KPNA7: variants seen among roughly 807,000 people sequenced by gnomAD.
The protein encoded by KPNA7 is karyopherin subunit alpha 7, also known as importin subunit alpha-8.
In KPNA7, 54 loss-of-function variants were observed where a neutral mutation model predicts 53.7. The ratio of observed to expected loss-of-function variants is 1.01; its 90% CI spans 0.81 to 1.26. The LOEUF (loss-of-function observed/expected upper bound fraction) is 1.26, where lower values mean the gene tolerates loss of function less well. Ranked by LOEUF, KPNA7 falls within the 50% of genes most tolerant of loss-of-function variation. The pLI, the probability that KPNA7 is intolerant of heterozygous loss-of-function variation, is 0.00. For missense variants in KPNA7, 640 were observed against 644.5 expected (o/e 0.99, Z 0.07); for synonymous variants, 276 against 259.3 (o/e 1.06, Z -0.62).
downstream of KPNA7, among the ~76,000 whole-genome samples, chr7:99,171,987 G>A (rs1290517592): frequency 2.0e-5 from 3 of 152,118 alleles, no homozygotes; most frequent in Non-Finnish European, 4.4e-5. Flanking sequence ...TTCAGCAGGA[G>A]GTTTACACAG....
At chr7:99,204,377 ATC>A (rs34956359) in intron 2 of KPNA7, among the ~76,000 whole-genome samples, 2 of 150,740 alleles carry the variant, frequency 1.3e-5, no homozygotes, top group Admixed American at 6.6e-5. Flanking sequence ...GCCTCTACAA[ATC>A]TCTCTCTCTC....
At chr7:99,176,308 AAAAAGAAAGAAAG>A (rs1460484661) in intron 10 of KPNA7, among the ~76,000 whole-genome samples, 13 of 96,008 alleles carry the variant, frequency 1.4e-4, no homozygotes, top group Admixed American at 8.2e-4. Flanking sequence ...AAAAAAAAAA[AAAAAGAAAGAAAG>A]AAAGAAAGAA....
At chr7:99,209,004 T>C (rs1467044879), upstream of KPNA7, among the ~76,000 whole-genome samples, 1 of 151,708 alleles carries the variant, frequency 6.6e-6, no homozygotes, top group African/African-American at 2.4e-5. Flanking sequence ...ATACAAAAAT[T>C]AGTCAGGCAT....
the KPNA7 span, among the ~76,000 whole-genome samples, chr7:99,166,915 G>A: frequency 2.6e-4 from 40 of 152,312 alleles, 1 homozygote; most frequent in East Asian, 5.0e-3. Flanking sequence ...ACCATGCCCA[G>A]TCTAGTTACT....
chr7:99,190,718 C>T (rs1298814890), intron 6 of KPNA7, among the ~76,000 whole-genome samples: 1 of 149,924 alleles, frequency 6.7e-6, no homozygotes, highest in Non-Finnish European at 1.5e-5. Context: ...TGCAGTGGTG[C>T]AATCACAGCT....
At chr7:99,188,174 CAAAAAAA>C (rs59219718) in intron 7 of KPNA7, 119 bp downstream of exon 7, 30 of 391,164 alleles carry the variant, frequency 7.7e-5, no homozygotes, top group African/African-American at 6.9e-4. Context: ...GACTCTGTCT[CAAAAAAA>C]AAAAAAAAAA....
intron 10 of KPNA7, among the ~76,000 whole-genome samples, chr7:99,177,632 A>AC (rs1262918212): frequency 2.7e-5 from 4 of 150,294 alleles, no homozygotes; most frequent in Non-Finnish European, 5.9e-5. Flanking sequence ...CCCCTGCCAT[A>AC]CCTCTCCCAA....
the KPNA7 span, among the ~76,000 whole-genome samples, chr7:99,165,386 G>C: frequency 7.2e-5 from 11 of 151,996 alleles, no homozygotes; most frequent in South Asian, 2.3e-3. Context: ...GGAGGAAAGA[G>C]GGTACAGAGT....
chr7:99,160,017 GTTTTTTTTT>G, the KPNA7 span, among the ~76,000 whole-genome samples: 5 of 67,660 alleles, frequency 7.4e-5, no homozygotes, highest in Admixed American at 3.9e-4. Flanking sequence ...TGTTGTTTTT[GTTTTTTTTT>G]TTTTTTTTTT....
intron 3 of KPNA7, among the ~76,000 whole-genome samples, chr7:99,201,762 G>A (rs1252751204): frequency 2.0e-5 from 3 of 151,898 alleles, no homozygotes; most frequent in East Asian, 1.9e-4. Flanking sequence ...GGGTTGAAGT[G>A]CAGTGGCACG....
the KPNA7 span, among the ~76,000 whole-genome samples, chr7:99,165,894 C>T: frequency 4.9e-4 from 75 of 152,236 alleles, 1 homozygote; most frequent in African/African-American, 1.5e-3. Flanking sequence ...TAATCCCCAA[C>T]GTTGGGGGTG....
the KPNA7 span, among the ~76,000 whole-genome samples, chr7:99,152,332 C>A: frequency 6.9e-6 from 1 of 145,788 alleles, no homozygotes; most frequent in Non-Finnish European, 1.5e-5. Context: ...ACTGCACTCC[C>A]GACAGAGCGA....
rs1790875365 is a variant in KPNA7, at chr7:99,207,494, A to C, written c.-23-5T>G. ...TGACTGGAAGTAGTAAGTTACCTGC[A>C]GGTTGGACAGCAACAAAGAAATTTT... On this transcript the variant is annotated splice_region_variant and splice_polypyrimidine_tract_variant and intron_variant, in intron 1 of 10. Coordinates refer to ENST00000327442, the MANE Select transcript of KPNA7 (RefSeq NM_001145715.3). The C allele has an allele frequency of 1.6e-5, 24 of 1,510,792 alleles. No individual in the cohort carries two copies. The highest frequency in any genetic ancestry group is 2.2e-5 in the Non-Finnish European group (24 of 1,110,120). The allele number at this position is 1,510,792 out of a possible 1,614,324, so 93.6% of individuals were successfully genotyped here.
chr7:99,177,976 C>T lies in KPNA7; in HGVS notation c.1408G>A (p.Glu470Lys), dbSNP rs1798979275. 4.5e-6 allele frequency: 7 copies of T among 1,552,038 alleles called. No homozygotes were observed. Among genetic ancestry groups the T allele is most frequent in the African/African-American group, 1.4e-5 (1 of 73,154 alleles). The change falls in exon 10 of 11, where the codon GAG (glutamate) becomes AAG (lysine). Residue 470 changes from glutamate (E) to lysine (K), a missense_variant. Transcript: ENST00000327442. ...IDRIEALQLH[E>K]NRQIGQSALN... is the part of the protein sequence containing the mutation. ...GCCGACTGGCCAATTTGACGGTTCT[C>T]ATGCAGCTGTAAAGCCTCAATTCTA... is the stretch of plus-strand genomic sequence containing the variant.
At chr7:99,206,185 G>A (rs190740841) in intron 2 of KPNA7, among the ~76,000 whole-genome samples, 3 of 151,950 alleles carry the variant, frequency 2.0e-5, no homozygotes, top group Non-Finnish European at 2.9e-5. Flanking sequence ...TTTTTCAGAC[G>A]AAGTCTCACA....
chr7:99,196,490 G>A (rs933900381), intron 3 of KPNA7, among the ~76,000 whole-genome samples: 3 of 152,120 alleles, frequency 2.0e-5, no homozygotes, highest in Non-Finnish European at 4.4e-5. Flanking sequence ...CCTCCACATA[G>A]GCAAAGAGAA....
chr7:99,181,231 TTC>T (rs1002273846), intron 9 of KPNA7, among the ~76,000 whole-genome samples: 5 of 149,456 alleles, frequency 3.3e-5, no homozygotes, highest in East Asian at 2.0e-4. Flanking sequence ...CCGTCTGTCT[TTC>T]TCTGTCTCTG....
chr7:99,170,848 C>T (rs1240621400), downstream of KPNA7, among the ~76,000 whole-genome samples: 1 of 152,100 alleles, frequency 6.6e-6, no homozygotes, highest in Non-Finnish European at 1.5e-5. Flanking sequence ...ACACTGAAAA[C>T]TAGAAGATAA....
the KPNA7 span, among the ~76,000 whole-genome samples, chr7:99,162,382 C>A: frequency 6.6e-6 from 1 of 152,104 alleles, no homozygotes; most frequent in Non-Finnish European, 1.5e-5. Context: ...AATTTCTGGG[C>A]AAATGCAAAA....
Sources: gnomAD v4.1 joint callset for allele counts (sites outside exome capture counted in the v4.1 genomes callset) on GRCh38, gnomAD v4.1.1 for gene constraint, MANE v1.5 for transcripts, NCBI Gene and HGNC (gene_info 2026-07-23, HGNC 2026-07-21) for gene names.